ZFR2: variants seen among roughly 807,000 people sequenced by gnomAD.
ZFR2 encodes the protein zinc finger RNA-binding protein 2.
ZFR2 carries 104 observed loss-of-function variants against 105.7 expected under a neutral mutation model. That is an observed-to-expected ratio of 0.98 (90% CI 0.84 to 1.16). The LOEUF (loss-of-function observed/expected upper bound fraction) is 1.16, where lower values mean the gene tolerates loss of function less well. ZFR2 is among the 50% of genes most tolerant of loss of function. The pLI, the probability that ZFR2 is intolerant of heterozygous loss-of-function variation, is 0.00. For missense variants in ZFR2, 1,425 were observed against 1,355.5 expected, an observed-to-expected ratio of 1.05 and a Z score of -0.80; for synonymous variants, 634 against 597.7, an observed-to-expected ratio of 1.06 and a Z score of -0.89.
rs554257109 is a variant in ZFR2, at chr19:3,820,855, C to A, written c.1631+485G>T. Among the ~76,000 whole-genome samples the A allele has an allele frequency of 1.5e-3, 164 of 108,256 alleles. 1 individual carries two copies. The highest frequency in any genetic ancestry group is 6.2e-3 in the African/African-American group (159 of 25,822). 71.0% of individuals were successfully genotyped at this position (108,256 alleles called of 152,430 possible). A position where few individuals can be genotyped will look rare whatever the true frequency, so the allele number is the denominator to read the frequency against. ...CGGGGGACACAGGGACACCGGGGGT[C>A]GGGGGACACAGGGACACTAGAGGTC... On this transcript the variant is annotated intron_variant, in intron 10 of 18. Coordinates refer to ENST00000262961, the MANE Select transcript of ZFR2 (RefSeq NM_015174.2).
chr19:3,830,026 C>T (rs1356330140), intron 5 of ZFR2, among the ~76,000 whole-genome samples: 2 of 152,096 alleles, frequency 1.3e-5, no homozygotes, highest in Admixed American at 6.5e-5. Flanking sequence ...ACGGGCCTGG[C>T]GCAGGGACTC....
chr19:3,859,342 T>C (rs2038343885), intron 1 of ZFR2, among the ~76,000 whole-genome samples: 2 of 152,344 alleles, frequency 1.3e-5, no homozygotes, highest in Non-Finnish European at 2.9e-5. Flanking sequence ...TTCCCGACTT[T>C]TGAGGTTTGG....
At chr19:3,846,863 C>T (rs964692147) in intron 1 of ZFR2, among the ~76,000 whole-genome samples, 5 of 152,234 alleles carry the variant, frequency 3.3e-5, no homozygotes, top group Non-Finnish European at 7.3e-5. Context: ...TTAGTTATCT[C>T]CTGCTAAGTA....
At chr19:3,814,139 C>T (rs1428675783) in intron 13 of ZFR2, among the ~76,000 whole-genome samples, 181 bp from the exon 14 acceptor site, 5 of 152,088 alleles carry the variant, frequency 3.3e-5, no homozygotes, top group African/African-American at 1.2e-4. Context: ...CAGCCGCAGC[C>T]CTCCAGGAGT....
intron 3 of ZFR2, 76 bp downstream of exon 3, chr19:3,833,588 A>AT (rs1442375655): frequency 1.8e-6 from 2 of 1,106,818 alleles, no homozygotes; most frequent in Non-Finnish European, 2.5e-6. Context: ...AAAAAAAAAA[A>AT]GTAAGTTTCC....
At chr19:3,864,883 G>C (rs1459697290) in intron 1 of ZFR2, among the ~76,000 whole-genome samples, 2 of 152,058 alleles carry the variant, frequency 1.3e-5, no homozygotes, top group Non-Finnish European at 2.9e-5. Flanking sequence ...AAGTAGCTAG[G>C]ATTACAGGCA....
intron 13 of ZFR2, 45 bp from the exon 14 acceptor site, chr19:3,814,003 G>C: frequency 6.2e-7 from 1 of 1,608,886 alleles, no homozygotes; most frequent in African/African-American, 1.3e-5. Flanking sequence ...CTGCAGCCCA[G>C]ATTCATGTGT....
Position 3,858,655 on chromosome 19 carries a change from TA to T in ZFR2, c.53+10309del, listed in dbSNP as rs1457984580. ...CAACATGGTGAAACCCAGTCTCTAC[TA>T]AAAATACAAAAATCAACCGGGCATG... On this transcript the variant is annotated intron_variant, in intron 1 of 18. Transcript: ENST00000262961. This position sits in a 1 kb window ranked among gnomAD's most constrained non-coding sequence, Gnocchi z 4.3. 2.0e-5 allele frequency among the ~76,000 whole-genome samples: 3 copies of T among 152,024 alleles called. No homozygotes were observed. The highest frequency in any genetic ancestry group is 6.6e-5 in the Admixed American group (1 of 15,256).
intron 11 of ZFR2, 133 bp downstream of exon 11, chr19:3,820,049 C>T: frequency 3.6e-6 from 3 of 841,948 alleles, no homozygotes; most frequent in Non-Finnish European, 5.6e-6. Flanking sequence ...AGTGAGGAGG[C>T]CTGGGCCATG....
At position 3,834,962 on chromosome 19, in the gene ZFR2, G is replaced by A. The variant is rs1464014664; in HGVS notation, c.75C>T (p.Pro25=). The A allele has an allele frequency of 6.2e-7, 1 of 1,611,024 alleles. No individual in the cohort carries two copies. Among genetic ancestry groups the A allele is most frequent in the Non-Finnish European group, 8.5e-7 (1 of 1,179,074 alleles). The change falls in exon 2 of 19, where the codon CCC becomes CCT. Residue 25 remains proline (P), a synonymous_variant. Transcript: ENST00000262961. This position sits in a 1 kb window ranked among gnomAD's most constrained non-coding sequence, Gnocchi z 5.3. ...TATAGCTGGCCCCCACAGTGGGCAG[G>A]GGAAGGGTCGGAGGCTGGGCGCTAG... The part of the protein sequence containing the change: ...PQYSAQPPTL[P]LPTVGASYTA...
chr19:3,825,474 C>G, intron 6 of ZFR2, 67 bp from the exon 7 acceptor site: 1 of 1,509,592 alleles, frequency 6.6e-7, no homozygotes, highest in Non-Finnish European at 8.8e-7. Flanking sequence ...TTTCAAGAGG[C>G]AGGAAGGGCC....
rs761925579 is a variant in ZFR2 at position 3,833,737 on chromosome 19, A to G, written c.306T>C (p.Tyr102=). Residue 102 remains tyrosine (Y), a synonymous_variant, in exon 3 of 19, where the codon TAT becomes TAC. Coordinates refer to ENST00000262961, the MANE Select transcript of ZFR2 (RefSeq NM_015174.2). ...CAGACTGGAAGTACGGCCTGTCCTC[A>G]TAGCTCCTGGCAGCTGCTGACTGTC... ...SYGQSAAARS[Y]EDRPYFQSAA... 1 of 1,583,668 alleles carries G rather than the reference A, an allele frequency of 6.3e-7. No homozygotes were observed. Among genetic ancestry groups the G allele is most frequent in the Admixed American group, 1.8e-5 (1 of 55,752 alleles).
rs146552921 is a variant in ZFR2 at position 3,855,551 on chromosome 19, A to G, written c.53+13414T>C. 461 of 865,094 alleles carry G rather than the reference A, an allele frequency of 5.3e-4. 2 individuals are homozygous for G. In the African/African-American group the frequency reaches 7.6e-3, roughly 14 times the overall value. 53.6% of individuals were successfully genotyped at this position (865,094 alleles called of 1,614,324 possible). ...TAACCAGACCAAAGTCCCGTCCTCCAGGAGGGTGCTGCGCGATAGTCCAGG... is the reference window on the plus strand; with the variant it reads ...TAACCAGACCAAAGTCCCGTCCTCCGGGAGGGTGCTGCGCGATAGTCCAGG... On this transcript the variant is annotated intron_variant, in intron 1 of 18. Transcript: ENST00000262961.
At chr19:3,843,482 A>G (rs941883608) in intron 1 of ZFR2, among the ~76,000 whole-genome samples, 2 of 150,250 alleles carry the variant, frequency 1.3e-5, no homozygotes, top group African/African-American at 4.9e-5. Context: ...AAAAAATTGG[A>G]TGAATGAACA....
At chr19:3,855,483 G>A in intron 1 of ZFR2, 1 of 1,225,630 alleles carries the variant, frequency 8.2e-7, no homozygotes, top group Non-Finnish European at 1.0e-6. Context: ...GGGTGCTAGT[G>A]GGGACCAGCT....
chr19:3,832,098 G>A (rs1356954805), intron 3 of ZFR2, among the ~76,000 whole-genome samples: 1 of 152,148 alleles, frequency 6.6e-6, no homozygotes, highest in Admixed American at 6.5e-5. Context: ...GGGGGAGGAG[G>A]GCTGTGGGTG....
chr19:3,820,257 C>T lies in ZFR2; in HGVS notation c.1665G>A (p.Pro555=), dbSNP rs374264898. The part of the protein sequence containing the change: ...RLEEEPPQDV[P]PHAPPDWAQP... ...GGGCCCAGTCGGGCGGCGCGTGGGGCGGCACGTCCTGGGGTGGCTCCTCCT... is the reference window on the plus strand; with the variant it reads ...GGGCCCAGTCGGGCGGCGCGTGGGGTGGCACGTCCTGGGGTGGCTCCTCCT... Residue 555 remains proline (P), a synonymous_variant, in exon 11 of 19, where the codon CCG becomes CCA. Coordinates refer to ENST00000262961, the MANE Select transcript of ZFR2 (RefSeq NM_015174.2). The T allele has an allele frequency of 6.7e-5, 103 of 1,547,914 alleles. 1 individual carries two copies. The highest frequency in any genetic ancestry group is 1.3e-5 in the Non-Finnish European group (15 of 1,146,440).
At chr19:3,842,024 T>C (rs2038137579) in intron 1 of ZFR2, among the ~76,000 whole-genome samples, 1 of 151,580 alleles carries the variant, frequency 6.6e-6, no homozygotes, top group African/African-American at 2.4e-5. Flanking sequence ...TTTTTTTTTA[T>C]TTTTTTGAGA....
chr19:3,843,982 T>G (rs2038160541), intron 1 of ZFR2, among the ~76,000 whole-genome samples: 2 of 124,378 alleles, frequency 1.6e-5, no homozygotes, highest in South Asian at 2.8e-4. Context: ...TCCCTAGAGG[T>G]GTCAGATTCA....
Sources: gnomAD v4.1 joint callset for allele counts (sites outside exome capture counted in the v4.1 genomes callset) on GRCh38, gnomAD v4.1.1 for gene constraint, Gnocchi (gnomAD v3.1) non-coding constraint, MANE v1.5 for transcripts, NCBI Gene and HGNC (gene_info 2026-07-23, HGNC 2026-07-21) for gene names.